EPB41L1: variants seen among roughly 807,000 people sequenced by gnomAD.
The protein encoded by EPB41L1 is band 4.1-like protein 1.
Under a neutral mutation model 97.8 loss-of-function variants are expected in EPB41L1, and 29 were observed. That is an observed-to-expected ratio of 0.30 (90% confidence interval 0.22 to 0.40). The LOEUF is 0.40. EPB41L1 is among the 10% of genes least tolerant of loss of function. EPB41L1 has a pLI of 1.00. For synonymous variants in EPB41L1, 383 were observed against 459.2 expected (o/e 0.83, Z 2.12); for missense variants, 812 against 1,162.3 (o/e 0.70, Z 4.38).
intron 17 of EPB41L1, among the ~76,000 whole-genome samples, chr20:36,217,685 C>T (rs2063524862): frequency 6.6e-6 from 1 of 152,144 alleles, no homozygotes; most frequent in Admixed American, 6.5e-5. Context: ...GGAAGCTGCC[C>T]TTGGGAAGCC....
intron 9 of EPB41L1, among the ~76,000 whole-genome samples, chr20:36,189,819 A>G (rs1307022192): frequency 6.6e-6 from 1 of 152,160 alleles, no homozygotes; most frequent in African/African-American, 2.4e-5. Context: ...AGTGTTTAGC[A>G]CTGGACCCGT....
chr20:36,199,017 T>C (rs1294209979), intron 14 of EPB41L1, among the ~76,000 whole-genome samples: 1 of 152,220 alleles, frequency 6.6e-6, no homozygotes, highest in Admixed American at 6.5e-5. Context: ...ATTGTTTCAC[T>C]TGAGAGTTCC....
At chr20:36,173,127 A>G (rs781461222) in intron 1 of EPB41L1, among the ~76,000 whole-genome samples, 2 of 152,232 alleles carry the variant, frequency 1.3e-5, no homozygotes, top group African/African-American at 4.8e-5. Context: ...AGTGACTGCC[A>G]CATTTGTGGC....
chr20:36,188,243 A>T, intron 8 of EPB41L1, 104 bp from the exon 9 acceptor site: 1 of 1,497,270 alleles, frequency 6.7e-7, no homozygotes. Context: ...TGTTCCTGAG[A>T]GCTCGTTACA....
At chr20:36,162,665 C>T (rs1384611962) in intron 1 of EPB41L1, among the ~76,000 whole-genome samples, 1 of 152,236 alleles carries the variant, frequency 6.6e-6, no homozygotes, top group Admixed American at 6.5e-5. Context: ...ACGCATGTCT[C>T]CGTTTTAATG....
chr20:36,143,999 C>T (rs910576069), intron 2 of EPB41L1, among the ~76,000 whole-genome samples: 9 of 152,012 alleles, frequency 5.9e-5, no homozygotes, highest in Admixed American at 5.9e-4. Flanking sequence ...ACTACAGGCG[C>T]ACGCCACCAT....
At chr20:36,156,665 G>A (rs2060314191) in intron 1 of EPB41L1, among the ~76,000 whole-genome samples, 1 of 152,144 alleles carries the variant, frequency 6.6e-6, no homozygotes, top group Admixed American at 6.5e-5. Context: ...TGATCCCTTA[G>A]GAGGGGTGTT....
chr20:36,112,668 T>C (rs986781791), intron 2 of EPB41L1, among the ~76,000 whole-genome samples: 5 of 152,206 alleles, frequency 3.3e-5, no homozygotes, highest in African/African-American at 1.2e-4. Flanking sequence ...TGGTTTTGGC[T>C]TGTTTTGGGT....
intron 21 of EPB41L1, among the ~76,000 whole-genome samples, chr20:36,225,433 G>A (rs2064069097): frequency 6.6e-6 from 1 of 152,184 alleles, no homozygotes; most frequent in Non-Finnish European, 1.5e-5. Flanking sequence ...ACTGGGACCT[G>A]GGACCTGTAT....
In EPB41L1 at chr20:36,203,793, A is replaced by G. The variant is rs182356959; in HGVS notation, c.1669-5695A>G. On this transcript the variant is annotated intron_variant, in intron 14 of 21. Transcript: ENST00000338074. ...CCCCTTCCTTTTATCTCGCTTTCCC[A>G]TGAACAAGATTATTTTAATGGGTTC... Among the ~76,000 whole-genome samples, 97 of 152,284 alleles carry G rather than the reference A, an allele frequency of 6.4e-4. 2 individuals are homozygous for G. The highest frequency in any genetic ancestry group is 2.2e-3 in the African/African-American group (91 of 41,558).
rs909968440 is a variant in EPB41L1, at chr20:36,226,401, T to G, written c.2638-2931T>G. 2.0e-5 allele frequency among the ~76,000 whole-genome samples: 3 copies of G among 152,196 alleles called. No individual in the cohort carries two copies. The East Asian group carries it at 5.8e-4, about 29-fold the overall frequency. On this transcript the variant is annotated intron_variant, in intron 21 of 21. Transcript: ENST00000338074. ...CTGTGCCAGGCACCAGGCTGTGCACTCAACACAAGTACTGTTACCTGCTCA... is the reference window on the plus strand; with the variant it reads ...CTGTGCCAGGCACCAGGCTGTGCACGCAACACAAGTACTGTTACCTGCTCA...
intron 2 of EPB41L1, among the ~76,000 whole-genome samples, chr20:36,135,185 C>T (rs897006393): frequency 2.0e-5 from 3 of 152,118 alleles, no homozygotes; most frequent in Non-Finnish European, 4.4e-5. Flanking sequence ...TCTATTATCA[C>T]GGCCTGCAAC....
rs752352727 is a variant in EPB41L1, at chr20:36,194,312, G to A, written c.1401G>A (p.Glu467=). The A allele has an allele frequency of 3.7e-6, 6 of 1,614,110 alleles. No homozygotes were observed. The highest frequency in any genetic ancestry group is 1.7e-4 in the Middle Eastern group (1 of 6,058). The part of the protein sequence containing the change: ...EDGESGGQRS[E]AEEGEVRTPT... ...GCGAGTCTGGGGGGCAACGGTCAGAGGCTGAGGAGGGAGAGGTCAGGACTC... is the reference window on the plus strand; with the variant it reads ...GCGAGTCTGGGGGGCAACGGTCAGAAGCTGAGGAGGGAGAGGTCAGGACTC... Residue 467 remains glutamate (E), a synonymous_variant, in exon 12 of 22, where the codon GAG becomes GAA. Transcript: ENST00000338074.
chr20:36,219,074 G>C, intron 18 of EPB41L1, 112 bp downstream of exon 18: 1 of 1,165,736 alleles, frequency 8.6e-7, no homozygotes, highest in East Asian at 2.5e-5. Flanking sequence ...CACCCTTCTA[G>C]GTGCAAAGCC....
At chr20:36,229,035 G>C (rs995179760) in intron 21 of EPB41L1, among the ~76,000 whole-genome samples, 6 of 151,990 alleles carry the variant, frequency 3.9e-5, no homozygotes, top group Non-Finnish European at 7.4e-5. Context: ...CCACACACAA[G>C]CTGCGTGGCC....
upstream of EPB41L1, among the ~76,000 whole-genome samples, chr20:36,153,970 A>C (rs2060163822): frequency 6.6e-6 from 1 of 151,888 alleles, no homozygotes; most frequent in African/African-American, 2.4e-5. Context: ...TCAGGTGCAC[A>C]CTCAGCCTGT....
intron 14 of EPB41L1, chr20:36,205,834 C>A: frequency 7.8e-7 from 1 of 1,274,756 alleles, no homozygotes; most frequent in Non-Finnish European, 1.0e-6. Context: ...TCTTCTTGCT[C>A]CAATTGAAAC....
At position 36,190,210 on chromosome 20, in the gene EPB41L1, C is replaced by A; in HGVS notation, c.1027-67C>A. 1 of 1,273,204 alleles carries A rather than the reference C, an allele frequency of 7.9e-7. No homozygotes were observed. The highest frequency in any genetic ancestry group is 1.1e-6 in the Non-Finnish European group (1 of 878,432). 78.9% of individuals were successfully genotyped at this position (1,273,204 alleles called of 1,614,324 possible). On this transcript the variant is annotated intron_variant, in intron 9 of 21. Transcript: ENST00000338074. The surrounding 1 kb of genome is among the most constrained non-coding windows in gnomAD (Gnocchi z 5.8). ...CATTAAACAAATAAAATAAAAAACA[C>A]AAAGAATGGGCTAGTGGCGAGAGTG... is the stretch of plus-strand genomic sequence containing the variant.
chr20:36,113,988 G>A (rs1328739042), intron 2 of EPB41L1, among the ~76,000 whole-genome samples: 1 of 152,204 alleles, frequency 6.6e-6, no homozygotes, highest in Non-Finnish European at 1.5e-5. Context: ...TTTACTGAAG[G>A]AGACAGGAAA....
Sources: allele counts gnomAD v4.1 joint callset (sites outside exome capture counted in the v4.1 genomes callset), GRCh38; gene constraint gnomAD v4.1.1; non-coding constraint Gnocchi (gnomAD v3.1); transcripts MANE v1.5; gene names NCBI Gene and HGNC (gene_info 2026-07-23, HGNC 2026-07-21).